PCDHGA4: variants seen among roughly 807,000 people sequenced by gnomAD.
The protein encoded by PCDHGA4 is protocadherin gamma-A4.
A neutral mutation model predicts 54.6 loss-of-function variants in PCDHGA4; 38 were observed. That is an observed-to-expected ratio of 0.70 (90% CI 0.54 to 0.91). The LOEUF (loss-of-function observed/expected upper bound fraction) is 0.91, where lower values mean the gene tolerates loss of function less well. Ranked by LOEUF, PCDHGA4 falls within the 40% of genes least tolerant of loss-of-function variation. PCDHGA4 has a pLI of 0.00. For synonymous variants in PCDHGA4, 511 were observed against 512.9 expected (o/e 1.00, Z 0.05); for missense variants, 1,298 against 1,220.9 (o/e 1.06, Z -0.94).
Position 141,355,667 on chromosome 5 carries a change from A to T in PCDHGA4, c.560A>T (p.Glu187Val). 6.2e-7 allele frequency: 1 copy of T among 1,614,018 alleles called. No homozygotes were observed. The highest frequency in any genetic ancestry group is 8.5e-7 in the Non-Finnish European group (1 of 1,179,896). The change falls in exon 1 of 4, where the codon GAA (glutamate) becomes GTA (valine). Residue 187 changes from glutamate (E) to valine (V), a missense_variant. Glu to Val is a moderately radical substitution (Grantham distance 121). Coordinates refer to ENST00000571252, the MANE Select transcript of PCDHGA4 (RefSeq NM_018917.4). ...CCTGGGGCAAGATTTCCTCTTCCTG[A>T]AGCTTTTGATCCGGATGTAGGTGTA... ...ENPGARFPLPEAFDPDVGVNS... is the reference protein window; with the variant it reads ...ENPGARFPLPVAFDPDVGVNS...
At chr5:141,453,288 A>T (rs931678565) in intron 1 of PCDHGA4, among the ~76,000 whole-genome samples, 18 of 151,342 alleles carry the variant, frequency 1.2e-4, no homozygotes, top group Admixed American at 3.3e-4. Context: ...TAATTTTTTA[A>T]TTATTTATTT....
chr5:141,358,725 A>G (rs903628182), intron 1 of PCDHGA4, among the ~76,000 whole-genome samples: 4 of 152,232 alleles, frequency 2.6e-5, no homozygotes, highest in Admixed American at 1.3e-4. Context: ...CAAGGAAAAT[A>G]TAAGTTTTTG....
Position 141,432,035 on chromosome 5 carries a change from G to T in PCDHGA4, c.2515-62772G>T. 1 of 1,614,218 alleles carries T rather than the reference G, an allele frequency of 6.2e-7. No homozygotes were observed. The highest frequency in any genetic ancestry group is 1.1e-5 in the South Asian group (1 of 91,066). On this transcript the variant is annotated intron_variant, in intron 1 of 3. Transcript: ENST00000571252. The surrounding 1 kb of genome is among the most constrained non-coding windows in gnomAD (Gnocchi z 6.0). ...CTACAACATCACAGTGACCGCCACT[G>T]ACCGGGGAACCCCGCCCCTATCCAC... is the stretch of plus-strand genomic sequence containing the variant.
chr5:141,475,951 G>A, intron 1 of PCDHGA4: 4 of 766,902 alleles, frequency 5.2e-6, no homozygotes, highest in South Asian at 1.9e-5. Flanking sequence ...CCCTTTCTGC[G>A]CCCCGGGATG....
At chr5:141,393,326 G>C (rs2092729554) in intron 1 of PCDHGA4, 2 of 1,611,218 alleles carry the variant, frequency 1.2e-6, no homozygotes, top group Non-Finnish European at 1.7e-6. Context: ...AGAGCTACCA[G>C]CTCAGCCCCA....
intron 1 of PCDHGA4, among the ~76,000 whole-genome samples, chr5:141,426,099 G>A (rs1590666889): frequency 1.3e-5 from 2 of 152,348 alleles, no homozygotes; most frequent in African/African-American, 4.8e-5. Context: ...ATTCTGTTCA[G>A]TCACAGAAGC....
intron 1 of PCDHGA4, among the ~76,000 whole-genome samples, chr5:141,481,223 A>C (rs935737972): frequency 3.3e-5 from 5 of 152,242 alleles, no homozygotes; most frequent in Non-Finnish European, 7.3e-5. Context: ...AAGGTCTCCC[A>C]GCCTTAAAGT....
At chr5:141,389,755 T>G in intron 1 of PCDHGA4, 2 of 1,612,872 alleles carry the variant, frequency 1.2e-6, no homozygotes, top group Non-Finnish European at 1.7e-6. Flanking sequence ...ACGGGCGAAG[T>G]GCGCACAGCG....
In PCDHGA4 at chr5:141,490,801, A is replaced by G; in HGVS notation, c.2515-4006A>G. On this transcript the variant is annotated intron_variant, in intron 1 of 3. Transcript: ENST00000571252. The surrounding 1 kb of genome is among the most constrained non-coding windows in gnomAD (Gnocchi z 5.4). ...GGATGGACGGATCTTTGCCCAGCGT[A>G]CCTTTGACTATGAATTGCTGCAGAT... The G allele has an allele frequency of 6.2e-7, 1 of 1,613,854 alleles. No homozygotes were observed. Among genetic ancestry groups the G allele is most frequent in the African/African-American group, 1.3e-5 (1 of 75,042 alleles).
intron 1 of PCDHGA4, chr5:141,384,537 G>A: frequency 1.2e-6 from 2 of 1,614,248 alleles, no homozygotes; most frequent in Non-Finnish European, 1.7e-6. Flanking sequence ...GCAGCAACAT[G>A]TCACTGAGCC....
At chr5:141,378,535 T>G (rs1235721694) in intron 1 of PCDHGA4, 6 of 152,092 alleles carry the variant, frequency 3.9e-5, no homozygotes, top group Admixed American at 3.9e-4. Flanking sequence ...AAAATAATAA[T>G]GATAATTAAT....
rs753275749 is a variant in PCDHGA4 at position 141,356,135 on chromosome 5, CTG to C, written c.1029_1030del (p.Gly344IlefsTer3). ...TTGGGGGGTCTAGATTATGAGGACT[CTG>C]GATTCTATGACATAGATGTAGAAGC... On this transcript the variant is annotated frameshift_variant, in exon 1 of 4. Transcript: ENST00000571252. LOFTEE classifies it high-confidence loss of function. The C allele has an allele frequency of 1.2e-6, 2 of 1,613,762 alleles. No homozygotes were observed. Among genetic ancestry groups the C allele is most frequent in the Non-Finnish European group, 1.7e-6 (2 of 1,179,800 alleles).
In PCDHGA4 at chr5:141,494,860, C is replaced by T. The variant is rs372794752; in HGVS notation, c.2568C>T (p.Thr856=). Residue 856 remains threonine, a synonymous_variant, in exon 2 of 4, where the codon ACC becomes ACT. Coordinates refer to ENST00000571252, the MANE Select transcript of PCDHGA4 (RefSeq NM_018917.4). ...TCTCTCAGGCCCAGAGACCCGGCAC[C>T]AGCGGGTAGGTGACTGATTCTCCAG... ...WRFSQAQRPG[T]SGSQNGDDTG... 5.6e-6 allele frequency: 9 copies of T among 1,614,032 alleles called. No homozygotes were observed. Among genetic ancestry groups the T allele is most frequent in the Non-Finnish European group, 7.6e-6 (9 of 1,180,024 alleles).
chr5:141,422,539 C>T (rs1335732614), intron 1 of PCDHGA4: 6 of 1,613,876 alleles, frequency 3.7e-6, no homozygotes, highest in Middle Eastern at 1.6e-4. Context: ...TGCAGAAACT[C>T]ATGTCTGGCT....
chr5:141,433,106 G>C, intron 1 of PCDHGA4: 1 of 1,614,170 alleles, frequency 6.2e-7, no homozygotes, highest in Non-Finnish European at 8.5e-7. Flanking sequence ...CGTCAGCCAG[G>C]AGAGCTTTGA....
chr5:141,418,606 T>A (rs1279991875), intron 1 of PCDHGA4: 1 of 1,614,030 alleles, frequency 6.2e-7, no homozygotes. Context: ...TGTACAGGGT[T>A]AGCCTTCGGG....
chr5:141,497,060 G>A (rs1244885752), intron 2 of PCDHGA4, among the ~76,000 whole-genome samples: 1 of 151,952 alleles, frequency 6.6e-6, no homozygotes, highest in African/African-American at 2.4e-5. Context: ...GTGGTGGCAG[G>A]CACCTGTAAT....
At chr5:141,402,827 G>C in intron 1 of PCDHGA4, 10 of 1,330,136 alleles carry the variant, frequency 7.5e-6, no homozygotes, top group Non-Finnish European at 9.9e-6. Context: ...CTGCTCCCAG[G>C]CTGCAGCAAA....
In PCDHGA4 at chr5:141,487,678, C is replaced by T. The variant is rs1416406108; in HGVS notation, c.2515-7129C>T. ...ATTCTGATCCAGGCATATGGCTAGG[C>T]CATGTCCTAGAGAGTACTGGCCTCT... On this transcript the variant is annotated intron_variant, in intron 1 of 3. Transcript: ENST00000571252. The surrounding 1 kb of genome is among the most constrained non-coding windows in gnomAD (Gnocchi z 5.0). 6.2e-7 allele frequency: 1 copy of T among 1,609,696 alleles called. No individual in the cohort carries two copies. Among genetic ancestry groups the T allele is most frequent in the South Asian group, 1.1e-5 (1 of 90,230 alleles).
Sources: allele counts gnomAD v4.1 joint callset (sites outside exome capture counted in the v4.1 genomes callset), GRCh38; gene constraint gnomAD v4.1.1; non-coding constraint Gnocchi (gnomAD v3.1); transcripts MANE v1.5; gene names NCBI Gene and HGNC (gene_info 2026-07-23, HGNC 2026-07-21).